The following THSD7B variants were observed in gnomAD, a reference collection of about 807,000 sequenced individuals.
THSD7B encodes the protein thrombospondin type-1 domain-containing protein 7B.
Under a neutral mutation model 213.6 loss-of-function variants are expected in THSD7B, and 138 were observed. The ratio of observed to expected loss-of-function variants is 0.65; its 90% confidence interval spans 0.56 to 0.74. The LOEUF is 0.74. Among genes scored for constraint, THSD7B ranks in the 30% least tolerant of loss-of-function variants. The probability of loss-of-function intolerance (pLI) is 0.00; values close to 1 mark genes in which losing one functional copy is unlikely to be tolerated. For synonymous variants in THSD7B, 742 were observed against 687.0 expected (o/e 1.08, Z -1.25); for missense variants, 1,931 against 1,991.5 (o/e 0.97, Z 0.58).
chr2:137,672,018 A>AAAC (rs1683589209), intron 27 of THSD7B, among the ~76,000 whole-genome samples: 3 of 152,124 alleles, frequency 2.0e-5, no homozygotes, highest in African/African-American at 7.2e-5. Flanking sequence ...CTCCTCTATC[A>AAAC]AACTCCAGGG....
chr2:136,869,691 T>C (rs1363091475), intron 1 of THSD7B, among the ~76,000 whole-genome samples: 3 of 152,244 alleles, frequency 2.0e-5, no homozygotes, highest in African/African-American at 4.8e-5. Flanking sequence ...AGAGTCATAA[T>C]GCTTTGTGCT....
chr2:137,324,988 C>G (rs1284265062), intron 12 of THSD7B, among the ~76,000 whole-genome samples: 1 of 152,166 alleles, frequency 6.6e-6, no homozygotes, highest in Non-Finnish European at 1.5e-5. Flanking sequence ...ACTGGTTGTT[C>G]AGTTTCCATG....
intron 15 of THSD7B, among the ~76,000 whole-genome samples, chr2:137,457,082 C>T (rs887111786): frequency 6.6e-6 from 1 of 152,018 alleles, no homozygotes; most frequent in South Asian, 2.1e-4. Context: ...GTTTTTTTCT[C>T]CTCAAGAGAT....
chr2:137,028,986 T>G (rs1686607681), intron 2 of THSD7B, among the ~76,000 whole-genome samples: 1 of 152,100 alleles, frequency 6.6e-6, no homozygotes, highest in Non-Finnish European at 1.5e-5. Flanking sequence ...CTCTGTAAAT[T>G]TTATAAAATT....
At chr2:137,436,864 T>C (rs1427142442) in intron 14 of THSD7B, among the ~76,000 whole-genome samples, 1 of 152,150 alleles carries the variant, frequency 6.6e-6, no homozygotes, top group Non-Finnish European at 1.5e-5. Flanking sequence ...ACATTTAGAA[T>C]TGTACTGTTG....
intron 20 of THSD7B, among the ~76,000 whole-genome samples, chr2:137,635,737 A>G (rs943069331): frequency 6.6e-6 from 1 of 151,570 alleles, no homozygotes. Context: ...TTTTTTTTTA[A>G]ACGGAGTCAC....
At chr2:136,963,371 G>A (rs1038161614) in intron 2 of THSD7B, among the ~76,000 whole-genome samples, 3 of 152,174 alleles carry the variant, frequency 2.0e-5, no homozygotes, top group Admixed American at 1.3e-4. Context: ...AGGAAAGAAC[G>A]GGGCTGAATA....
chr2:136,792,895 C>A (rs538294098), intron 1 of THSD7B, among the ~76,000 whole-genome samples: 20 of 152,118 alleles, frequency 1.3e-4, no homozygotes, highest in Middle Eastern at 3.4e-3. Context: ...CAAAATTCAT[C>A]CATGTTATTG....
intron 12 of THSD7B, among the ~76,000 whole-genome samples, chr2:137,374,333 TG>T (rs1255257034): frequency 2.0e-5 from 3 of 152,212 alleles, no homozygotes; most frequent in African/African-American, 4.8e-5. Flanking sequence ...CTATTTTCTT[TG>T]GTCTTTTTAA....
At chr2:137,381,278 G>A (rs1331829951) in intron 12 of THSD7B, among the ~76,000 whole-genome samples, 1 of 152,202 alleles carries the variant, frequency 6.6e-6, no homozygotes, top group Non-Finnish European at 1.5e-5. Flanking sequence ...GCAGCTAGAA[G>A]CAGAGAGCAC....
At chr2:137,575,723 C>CACACACACAT (rs1451299240) in intron 17 of THSD7B, among the ~76,000 whole-genome samples, 6 of 108,640 alleles carry the variant, frequency 5.5e-5, no homozygotes, top group African/African-American at 1.8e-4. Flanking sequence ...TCCCATAACA[C>CACACACACAT]ACATATATAT....
At chr2:137,461,488 G>A (rs1687884134) in intron 15 of THSD7B, among the ~76,000 whole-genome samples, 1 of 151,952 alleles carries the variant, frequency 6.6e-6, no homozygotes, top group Non-Finnish European at 1.5e-5. Context: ...TGTCCCAAAT[G>A]GCAAAAGTAC....
intron 1 of THSD7B, among the ~76,000 whole-genome samples, chr2:136,796,616 A>C (rs898640808): frequency 1.3e-5 from 2 of 151,950 alleles, no homozygotes; most frequent in Non-Finnish European, 2.9e-5. Flanking sequence ...TCAGAGATTA[A>C]GTTCTAAATT....
intron 1 of THSD7B, among the ~76,000 whole-genome samples, chr2:136,845,470 T>C (rs1682992342): frequency 6.6e-6 from 1 of 152,118 alleles, no homozygotes; most frequent in Non-Finnish European, 1.5e-5. Context: ...CAGAAAGAGG[T>C]GTGCAGATTT....
At chr2:137,007,012 T>C (rs1322745045) in intron 2 of THSD7B, among the ~76,000 whole-genome samples, 1 of 152,230 alleles carries the variant, frequency 6.6e-6, no homozygotes, top group Admixed American at 6.5e-5. Context: ...CATTTCTTCC[T>C]AGCTGTGTAG....
intron 14 of THSD7B, among the ~76,000 whole-genome samples, chr2:137,414,729 G>A (rs370013597): frequency 1.6e-4 from 24 of 151,670 alleles, no homozygotes; most frequent in South Asian, 8.3e-4. Context: ...CTAAGTATAT[G>A]TATATATGTA....
chr2:137,592,193 T>C (rs1487087298), intron 17 of THSD7B, among the ~76,000 whole-genome samples: 2 of 151,828 alleles, frequency 1.3e-5, no homozygotes, highest in Admixed American at 1.3e-4. Context: ...TACATATTTC[T>C]CTGCATTACA....
intron 5 of THSD7B, among the ~76,000 whole-genome samples, chr2:137,146,113 A>C (rs182860277): frequency 2.6e-5 from 4 of 152,232 alleles, no homozygotes; most frequent in Admixed American, 2.6e-4. Context: ...AAATTCATAA[A>C]ATTCTACAGC....
intron 2 of THSD7B, among the ~76,000 whole-genome samples, chr2:136,984,578 A>G (rs1338285333): frequency 6.6e-6 from 1 of 152,142 alleles, no homozygotes; most frequent in Non-Finnish European, 1.5e-5. Context: ...CTGTAGAACC[A>G]TGATCTAATT....
Sources: allele counts gnomAD v4.1 joint callset (sites outside exome capture counted in the v4.1 genomes callset), GRCh38; gene constraint gnomAD v4.1.1; transcripts MANE v1.5; gene names NCBI Gene and HGNC (gene_info 2026-07-23, HGNC 2026-07-21).